Variants in SLC7A14 observed in about 807,000 individuals in gnomAD.
SLC7A14 encodes gamma-aminobutyric acid transporter SLC7A14.
In SLC7A14, 37 loss-of-function variants were observed where a neutral mutation model predicts 60.2. The observed-to-expected ratio is 0.61, with a 90% CI of 0.47 to 0.81. The LOEUF (loss-of-function observed/expected upper bound fraction) is 0.81, where lower values mean the gene tolerates loss of function less well. Among genes scored for constraint, SLC7A14 ranks in the 30% least tolerant of loss-of-function variants. The pLI, the probability that SLC7A14 is intolerant of heterozygous loss-of-function variation, is 0.00. For missense variants in SLC7A14, 886 were observed against 982.7 expected, an observed-to-expected ratio of 0.90 and a Z score of 1.32; for synonymous variants, 399 against 395.8, an observed-to-expected ratio of 1.01 and a Z score of -0.10.
At chr3:170,496,287 T>A in intron 4 of SLC7A14, 2 of 975,318 alleles carry the variant, frequency 2.1e-6, no homozygotes, top group South Asian at 2.6e-5. Context: ...CCAGATCAAG[T>A]ATGCAGAGCT....
chr3:170,504,056 A>G (rs558871437), intron 2 of SLC7A14, among the ~76,000 whole-genome samples: 1 of 152,338 alleles, frequency 6.6e-6, no homozygotes, highest in East Asian at 1.9e-4. Flanking sequence ...GACACACTGT[A>G]AAAGATCTTA....
chr3:170,505,335 C>G (rs1712743927), intron 2 of SLC7A14, among the ~76,000 whole-genome samples: 1 of 152,214 alleles, frequency 6.6e-6, no homozygotes, highest in African/African-American at 2.4e-5. Flanking sequence ...TGACTGCAAA[C>G]AACTGACGAC....
chr3:170,501,376 A>G (rs747982861), intron 2 of SLC7A14, 31 bp from the exon 3 acceptor site: 1 of 1,580,632 alleles, frequency 6.3e-7, no homozygotes, highest in Non-Finnish European at 8.7e-7. Context: ...CAGATGGTGG[A>G]CTTCAGGAGA....
intron 1 of SLC7A14, among the ~76,000 whole-genome samples, chr3:170,554,270 C>G (rs1054199997): frequency 1.3e-5 from 2 of 152,142 alleles, no homozygotes; most frequent in African/African-American, 4.8e-5. Flanking sequence ...CACTGCACAG[C>G]CATGATGTCA....
At chr3:170,540,920 T>A (rs1178401614) in intron 1 of SLC7A14, among the ~76,000 whole-genome samples, 1 of 152,194 alleles carries the variant, frequency 6.6e-6, no homozygotes, top group African/African-American at 2.4e-5. Context: ...TATGTGAATA[T>A]AAATATTCAA....
Position 170,466,735 on chromosome 3 carries a change from C to G in SLC7A14, c.*320G>C. The G allele has an allele frequency of 4.5e-6, 1 of 222,776 alleles. No homozygotes were observed. The highest frequency in any genetic ancestry group is 8.9e-6 in the Non-Finnish European group (1 of 112,672). 13.8% of individuals were successfully genotyped at this position (222,776 alleles called of 1,614,324 possible). On this transcript the variant is annotated 3_prime_UTR_variant, in exon 8 of 8. Transcript: ENST00000231706. ...CTTCTGCCCAGAGCCCCTGCTTGGGCTTCAACCAGCAAAGCAAAGGCCTAG... is the reference window on the plus strand; with the variant it reads ...CTTCTGCCCAGAGCCCCTGCTTGGGGTTCAACCAGCAAAGCAAAGGCCTAG...
intron 2 of SLC7A14, among the ~76,000 whole-genome samples, chr3:170,506,158 C>T (rs1294566919): frequency 1.3e-5 from 2 of 152,184 alleles, no homozygotes; most frequent in African/African-American, 4.8e-5. Context: ...CTGCAGACCA[C>T]ATGATGGAAA....
Position 170,483,495 on chromosome 3 carries a change from G to A in SLC7A14, c.934C>T (p.Pro312Ser), listed in dbSNP as rs1471232845. The A allele has an allele frequency of 1.9e-6, 3 of 1,614,018 alleles. No individual in the cohort carries two copies. In the African/African-American group the frequency reaches 4.0e-5, roughly 22 times the overall value. Residue 312 changes from proline to serine, a missense_variant, in exon 6 of 8, where the codon CCA becomes TCA. Coordinates refer to ENST00000231706, the MANE Select transcript of SLC7A14 (RefSeq NM_020949.3). ...SVSVILTLMV[P>S]YYTIDTESPL... ...GATTCCGTGTCAATGGTATAATATG[G>A]CACCATCAGAGTTAAGATCACGCTC...
At chr3:170,498,070 G>T (rs1187280425) in intron 4 of SLC7A14, among the ~76,000 whole-genome samples, 1 of 152,192 alleles carries the variant, frequency 6.6e-6, no homozygotes, top group South Asian at 2.1e-4. Flanking sequence ...TATTTTCCTA[G>T]TGTCATACCC....
Position 170,533,885 on chromosome 3 carries a change from T to G in SLC7A14, c.-152-6797A>C, listed in dbSNP as rs141942071. ...AATATTTTTTGATTACCTACCATAT[T>G]ATTTAATGATGTGCTAGCCTGTTTA... On this transcript the variant is annotated intron_variant, in intron 1 of 7. Transcript: ENST00000231706. Among the ~76,000 whole-genome samples, 806 of 152,336 alleles carry G rather than the reference T, an allele frequency of 5.3e-3. 10 individuals are homozygous for G. The highest frequency in any genetic ancestry group is 0.019 in the African/African-American group (781 of 41,578).
rs1178706223 is a variant in SLC7A14 at position 170,526,762 on chromosome 3, T to C, written c.175A>G (p.Ile59Val). ...LAQVLTTVDL[I>V]SLGVGSCVGT... The stretch of plus-strand genomic sequence containing the variant: ...ACACAGCTGCCAACGCCAAGAGAGA[T>C]GAGGTCCACTGTGGTGAGTACCTGG... The change falls in exon 2 of 8, where the codon ATC becomes GTC. Residue 59 changes from isoleucine (I) to valine (V), a missense_variant. Ile to Val is a conservative substitution (Grantham distance 29). Transcript: ENST00000231706. The C allele has an allele frequency of 6.2e-7, 1 of 1,613,816 alleles. No homozygotes were observed. Among genetic ancestry groups the C allele is most frequent in the African/African-American group, 1.3e-5 (1 of 75,036 alleles).
chr3:170,469,172 C>A (rs983968218), intron 7 of SLC7A14, among the ~76,000 whole-genome samples: 1 of 152,210 alleles, frequency 6.6e-6, no homozygotes, highest in African/African-American at 2.4e-5. Context: ...ACTTTGCTAA[C>A]CCTGCAGGCT....
intron 4 of SLC7A14, among the ~76,000 whole-genome samples, chr3:170,495,209 G>A (rs1712345092): frequency 6.6e-6 from 1 of 152,162 alleles, no homozygotes; most frequent in Admixed American, 6.5e-5. Context: ...AACATGTAGT[G>A]CAATTAGTTT....
Position 170,527,035 on chromosome 3 carries a change from C to G in SLC7A14, c.-99G>C. On this transcript the variant is annotated 5_prime_UTR_variant, in exon 2 of 8. Coordinates refer to ENST00000231706, the MANE Select transcript of SLC7A14 (RefSeq NM_020949.3). ...ACTCATCTAGTGAACAGGGATCTCC[C>G]TTTTAGGAAAGGCCCAGAGGGACCC... The G allele has an allele frequency of 7.4e-7, 1 of 1,353,414 alleles. No homozygotes were observed. Among genetic ancestry groups the G allele is most frequent in the Non-Finnish European group, 9.9e-7 (1 of 1,008,270 alleles). 83.8% of individuals were successfully genotyped at this position (1,353,414 alleles called of 1,614,324 possible). A position where few individuals can be genotyped will look rare whatever the true frequency, so the allele number is the denominator to read the frequency against.
intron 1 of SLC7A14, among the ~76,000 whole-genome samples, chr3:170,566,550 G>T (rs1714793428): frequency 6.6e-6 from 1 of 152,076 alleles, no homozygotes. Flanking sequence ...TCTCTCCTCT[G>T]TCTCTTGTTT....
At chr3:170,570,481 A>G (rs1175074132) in intron 1 of SLC7A14, 1 of 151,920 alleles carries the variant, frequency 6.6e-6, no homozygotes, top group African/African-American at 2.4e-5. Context: ...AAAATAAAAT[A>G]AAATAAAAAG....
intron 6 of SLC7A14, among the ~76,000 whole-genome samples, chr3:170,481,654 C>T (rs950417574): frequency 2.6e-4 from 39 of 152,162 alleles, no homozygotes; most frequent in Non-Finnish European, 2.9e-5. Flanking sequence ...CCCACCTCAG[C>T]CTCCCAGAGT....
intron 1 of SLC7A14, among the ~76,000 whole-genome samples, chr3:170,538,814 A>T (rs1223358964): frequency 6.6e-6 from 1 of 152,188 alleles, no homozygotes; most frequent in African/African-American, 2.4e-5. Flanking sequence ...AAGTCTCCCC[A>T]CTGACCATAA....
At chr3:170,495,812 C>G (rs1712372783) in intron 4 of SLC7A14, 2 of 1,127,026 alleles carry the variant, frequency 1.8e-6, no homozygotes, top group African/African-American at 3.0e-5. Context: ...CCAAGTGGAG[C>G]CTCCTGCAGC....
Sources: gnomAD v4.1 joint callset for allele counts (sites outside exome capture counted in the v4.1 genomes callset) on GRCh38, gnomAD v4.1.1 for gene constraint, MANE v1.5 for transcripts, NCBI Gene and HGNC (gene_info 2026-07-23, HGNC 2026-07-21) for gene names.